The following RPL36 variants were observed in gnomAD, a reference collection of about 807,000 sequenced individuals.
RPL36 encodes the protein large ribosomal subunit protein eL36.
For synonymous variants in RPL36, 74 were observed against 56.0 expected (o/e 1.32, Z -1.44); for missense variants, 131 against 144.9 (o/e 0.90, Z 0.49).
chr19:5,690,709 A>C, intron 2 of RPL36, 109 bp downstream of exon 2: 1 of 867,072 alleles, frequency 1.2e-6, no homozygotes, highest in Non-Finnish European at 1.9e-6. Flanking sequence ...GCGCAGAACT[A>C]AGGGGGGCTT....
rs772480671 is a variant in RPL36, at chr19:5,691,347, G to A, written c.122G>A (p.Arg41Gln). The A allele has an allele frequency of 6.2e-7, 1 of 1,613,210 alleles. No individual in the cohort carries two copies. The highest frequency in any genetic ancestry group is 8.5e-7 in the Non-Finnish European group (1 of 1,180,022). The change falls in exon 3 of 4, where the codon CGG (arginine) becomes CAG (glutamine). Residue 41 changes from arginine to glutamine, a missense_variant. Transcript: ENST00000347512. ...CTGACCAAACACACCAAGTTCGTGC[G>A]GGACATGATTCGGGAGGTGTGTGGC... The part of the protein sequence containing the change: ...GRLTKHTKFV[R>Q]DMIREVCGFA...
rs113759865 is a variant in RPL36, at chr19:5,690,619, C to T, written c.93+19C>T. The stretch of plus-strand genomic sequence containing the variant: ...CCGCGGGGTGAGTGCGGGTGCCGCG[C>T]GGAGGTTGTCGGGGGTTTCTTGGAG... On this transcript the variant is annotated intron_variant, in intron 2 of 3. Coordinates refer to ENST00000347512, the MANE Select transcript of RPL36 (RefSeq NM_033643.3). The T allele has an allele frequency of 7.8e-6, 12 of 1,544,172 alleles. No individual in the cohort carries two copies. The African/African-American group carries it at 8.2e-5, about 11-fold the overall frequency.
Position 5,690,297 on chromosome 19 carries a change from T to C in RPL36, c.-33T>C, listed in dbSNP as rs2054798712. ...CCGGAGTTCCGCGCGGCGCCAGCCC[T>C]TCCGCCACGGCCGTCTCTGGAGAGC... On this transcript the variant is annotated 5_prime_UTR_variant, in exon 1 of 4. Transcript: ENST00000347512. 1.6e-6 allele frequency: 1 copy of C among 611,666 alleles called. No homozygotes were observed. The highest frequency in any genetic ancestry group is 3.0e-6 in the Non-Finnish European group (1 of 338,124). 37.9% of individuals were successfully genotyped at this position (611,666 alleles called of 1,614,324 possible). A position where few individuals can be genotyped will look rare whatever the true frequency, so the allele number is the denominator to read the frequency against.
At chr19:5,691,044 T>C in intron 2 of RPL36, 1 of 565,350 alleles carries the variant, frequency 1.8e-6, no homozygotes, top group Admixed American at 3.1e-5. Context: ...GTGTGTGAGG[T>C]TGAGGGATTT....
In RPL36 at chr19:5,691,771, G is replaced by C; in HGVS notation, c.*150G>C. ...GCCACACCCTCTCCGGGTGCTGCCT[G>C]GTCGTGAATCAAAAGCCGTGGCCCG... On this transcript the variant is annotated 3_prime_UTR_variant, in exon 4 of 4. Transcript: ENST00000347512. 2 of 988,186 alleles carry C rather than the reference G, an allele frequency of 2.0e-6. No individual in the cohort carries two copies. The highest frequency in any genetic ancestry group is 3.1e-6 in the Non-Finnish European group (2 of 651,402). The allele number at this position is 988,186 out of a possible 1,614,324, so 61.2% of individuals were successfully genotyped here. A position where few individuals can be genotyped will look rare whatever the true frequency, so the allele number is the denominator to read the frequency against.
chr19:5,690,422 TGAA>T (rs1262171394), intron 1 of RPL36, 81 bp from the exon 2 acceptor site: 1 of 1,078,076 alleles, frequency 9.3e-7, no homozygotes, highest in Non-Finnish European at 1.4e-6. Context: ...CGAGCGAGGC[TGAA>T]GGAGCCGGGA....
rs541255650 is a variant in RPL36, at chr19:5,691,642, C to G, written c.*21C>G. 690 of 1,589,004 alleles carry G rather than the reference C, an allele frequency of 4.3e-4. 1 individual carries two copies. The highest frequency in any genetic ancestry group is 5.6e-4 in the Non-Finnish European group (652 of 1,168,614). On this transcript the variant is annotated 3_prime_UTR_variant, in exon 4 of 4. Coordinates refer to ENST00000347512, the MANE Select transcript of RPL36 (RefSeq NM_033643.3). ...ACTGAGCCCCTCCCCTGCCCTCTCC[C>G]TGAAATAAAGAACAGCTTGACAGAA...
At chr19:5,690,767 G>C in intron 2 of RPL36, 167 bp downstream of exon 2, 2 of 654,652 alleles carry the variant, frequency 3.1e-6, no homozygotes, top group East Asian at 5.5e-5. Flanking sequence ...CCTGGTGCTC[G>C]AAGGCGGGCA....
At position 5,691,601 on chromosome 19, in the gene RPL36, G is replaced by A. The variant is rs1599438155; in HGVS notation, c.298G>A (p.Ala100Thr). 6.2e-7 allele frequency: 1 copy of A among 1,610,710 alleles called. No homozygotes were observed. Among genetic ancestry groups the A allele is most frequent in the South Asian group, 1.1e-5 (1 of 90,892 alleles). Residue 100 changes from alanine to threonine, a missense_variant, in exon 4 of 4, where the codon GCT becomes ACT. By Grantham distance (58) the Ala-to-Thr change is moderately conservative. Transcript: ENST00000347512. ...CAACGTACTGGCCGCCATGAGGAAAGCTGCTGCCAAGAAAGACTGAGCCCC... is the reference window on the plus strand; with the variant it reads ...CAACGTACTGGCCGCCATGAGGAAAACTGCTGCCAAGAAAGACTGAGCCCC... ...LSNVLAAMRK[A>T]AAKKD
intron 2 of RPL36, chr19:5,690,941 C>G (rs1472771326): frequency 3.7e-6 from 2 of 535,226 alleles, no homozygotes; most frequent in Non-Finnish European, 6.7e-6. Flanking sequence ...TCAGGTGTGT[C>G]AGTGTATTGG....
Position 5,690,595 on chromosome 19 carries a change from C to T in RPL36, c.88C>T (p.Arg30Cys). 6.4e-7 allele frequency: 1 copy of T among 1,564,922 alleles called. No homozygotes were observed. Among genetic ancestry groups the T allele is most frequent in the East Asian group, 2.4e-5 (1 of 42,384 alleles). ...GAGCAAGCCCAGGCACAGCCGACGC[C>T]GCGGGGTGAGTGCGGGTGCCGCGCG... ...NVSKPRHSRR[R>C]GRLTKHTKFV... Residue 30 changes from arginine (R) to cysteine (C), a missense_variant, in exon 2 of 4, where the codon CGC (arginine) becomes TGC (cysteine). Physicochemically the swap from Arg to Cys is radical, Grantham distance 180. Coordinates refer to ENST00000347512, the MANE Select transcript of RPL36 (RefSeq NM_033643.3).
rs2054826953 is a variant in RPL36, at chr19:5,691,845, A to T, written c.*224A>T. 1 of 807,812 alleles carries T rather than the reference A, an allele frequency of 1.2e-6. No individual in the cohort carries two copies. Among genetic ancestry groups the T allele is most frequent in the Admixed American group, 2.7e-5 (1 of 36,844 alleles). The allele number at this position is 807,812 out of a possible 1,614,324, so 50.0% of individuals were successfully genotyped here. The stretch of plus-strand genomic sequence containing the variant: ...TGAGGAAGCCGCCGTACTGCAAATG[A>T]CTTTAATCATTAAATAGCTTCTATG... On this transcript the variant is annotated 3_prime_UTR_variant, in exon 4 of 4. Transcript: ENST00000347512.
In RPL36 at chr19:5,691,305, C is replaced by T; in HGVS notation, c.94-14C>T. ...GGATCCCCCTACCCTGACGGCCGCC[C>T]CTTTCCCCCCTAGCGTCTGACCAAA... On this transcript the variant is annotated splice_polypyrimidine_tract_variant and intron_variant, in intron 2 of 3. Coordinates refer to ENST00000347512, the MANE Select transcript of RPL36 (RefSeq NM_033643.3). 3 of 1,611,216 alleles carry T rather than the reference C, an allele frequency of 1.9e-6. No homozygotes were observed. Among genetic ancestry groups the T allele is most frequent in the South Asian group, 1.1e-5 (1 of 90,980 alleles).
chr19:5,691,627 T>C lies in RPL36; in HGVS notation c.*6T>C. On this transcript the variant is annotated 3_prime_UTR_variant, in exon 4 of 4. Coordinates refer to ENST00000347512, the MANE Select transcript of RPL36 (RefSeq NM_033643.3). ...CTGCTGCCAAGAAAGACTGAGCCCCTCCCCTGCCCTCTCCCTGAAATAAAG... is the reference window on the plus strand; with the variant it reads ...CTGCTGCCAAGAAAGACTGAGCCCCCCCCCTGCCCTCTCCCTGAAATAAAG... The C allele has an allele frequency of 5.6e-6, 9 of 1,600,418 alleles. No individual in the cohort carries two copies. Among genetic ancestry groups the C allele is most frequent in the African/African-American group, 1.3e-5 (1 of 74,838 alleles).
chr19:5,691,023 C>T (rs2054810673), intron 2 of RPL36: 3 of 553,048 alleles, frequency 5.4e-6, no homozygotes, highest in East Asian at 6.2e-5. Flanking sequence ...TGGAGCTGGC[C>T]CGAGGTTGCG....
chr19:5,691,727 T>A lies in RPL36; in HGVS notation c.*106T>A. 1 of 1,197,298 alleles carries A rather than the reference T, an allele frequency of 8.4e-7. No homozygotes were observed. The highest frequency in any genetic ancestry group is 1.3e-5 in the South Asian group (1 of 75,194). 74.2% of individuals were successfully genotyped at this position (1,197,298 alleles called of 1,614,324 possible). ...GGTGTGTCGGGGGCCCGCAGTCCCC[T>A]GTCTGGTGCCCGCTCTGAGCCACAC... On this transcript the variant is annotated 3_prime_UTR_variant, in exon 4 of 4. Transcript: ENST00000347512.
intron 2 of RPL36, 26 bp from the exon 3 acceptor site, chr19:5,691,293 C>A: frequency 1.2e-6 from 2 of 1,612,100 alleles, no homozygotes; most frequent in Non-Finnish European, 1.7e-6. Context: ...TCCCCCTACC[C>A]TGACGGCCGC....
chr19:5,691,631 C>A lies in RPL36; in HGVS notation c.*10C>A, dbSNP rs562054454. The A allele has an allele frequency of 3.1e-6, 5 of 1,598,646 alleles. No individual in the cohort carries two copies. The highest frequency in any genetic ancestry group is 4.3e-6 in the Non-Finnish European group (5 of 1,173,744). The stretch of plus-strand genomic sequence containing the variant: ...TGCCAAGAAAGACTGAGCCCCTCCC[C>A]TGCCCTCTCCCTGAAATAAAGAACA... On this transcript the variant is annotated 3_prime_UTR_variant, in exon 4 of 4. Transcript: ENST00000347512.
chr19:5,691,358 C>A lies in RPL36; in HGVS notation c.133C>A (p.Arg45=). Residue 45 remains arginine, a synonymous_variant, in exon 3 of 4, where the codon CGG becomes AGG. Transcript: ENST00000347512. ...KHTKFVRDMI[R]EVCGFAPYER... ...CACCAAGTTCGTGCGGGACATGATT[C>A]GGGAGGTGTGTGGCTTTGCCCCGTA... 6.2e-7 allele frequency: 1 copy of A among 1,613,420 alleles called. No individual in the cohort carries two copies. The highest frequency in any genetic ancestry group is 8.5e-7 in the Non-Finnish European group (1 of 1,180,036).
Sources: gnomAD v4.1 joint callset for allele counts on GRCh38, gnomAD v4.1.1 for gene constraint, MANE v1.5 for transcripts, NCBI Gene and HGNC (gene_info 2026-07-23, HGNC 2026-07-21) for gene names.